Variants in PPP6R2 observed in about 807,000 individuals in gnomAD.
PPP6R2 encodes the protein protein phosphatase 6 regulatory subunit 2, also known as serine/threonine-protein phosphatase 6 regulatory subunit 2.
In PPP6R2, 62 loss-of-function variants were observed where a neutral mutation model predicts 100.2. The ratio of observed to expected loss-of-function variants is 0.62; its 90% confidence interval spans 0.50 to 0.76. The LOEUF is 0.76. Among genes scored for constraint, PPP6R2 ranks in the 30% least tolerant of loss-of-function variants. The pLI is 0.00. For synonymous variants in PPP6R2, 525 were observed against 514.7 expected (o/e 1.02, Z -0.27); for missense variants, 1,142 against 1,276.3 (o/e 0.89, Z 1.60).
At position 50,413,031 on chromosome 22, in the gene PPP6R2, G is replaced by T. The variant is rs187482614; in HGVS notation, c.415-1521G>T. On this transcript the variant is annotated intron_variant, in intron 4 of 23. Coordinates refer to ENST00000612753, the MANE Select transcript of PPP6R2 (RefSeq NM_001242898.2). ...GCTGGAGTGCAATGGTGCGATCTTG[G>T]CTTACCGCAATCTCCGCCTCCCAGG... 4.3e-3 allele frequency among the ~76,000 whole-genome samples: 641 copies of T among 149,678 alleles called. 8 individuals carry two copies. The highest frequency in any genetic ancestry group is 0.015 in the African/African-American group (596 of 40,606).
chr22:50,348,098 G>A (rs1004597637), intron 1 of PPP6R2, among the ~76,000 whole-genome samples: 1 of 152,144 alleles, frequency 6.6e-6, no homozygotes, highest in African/African-American at 2.4e-5. Flanking sequence ...ATATCCTCCA[G>A]GAACCTAGAT....
At chr22:50,397,894 A>G (rs1603194278) in intron 3 of PPP6R2, among the ~76,000 whole-genome samples, 1 of 89,482 alleles carries the variant, frequency 1.1e-5, no homozygotes, top group Non-Finnish European at 2.1e-5. Context: ...GTGACTTGGG[A>G]TGGGGGCGGG....
At chr22:50,339,882 T>G, upstream of PPP6R2, among the ~76,000 whole-genome samples, 3 of 97,104 alleles carry the variant, frequency 3.1e-5, no homozygotes, top group African/African-American at 8.0e-5. Context: ...TGGTGTGGTG[T>G]GTGTGTGGGG....
rs569995471 is a variant in PPP6R2, at chr22:50,440,961, C to T, written c.2514C>T (p.Ser838=). The part of the protein sequence containing the change: ...QKAASAMDAV[S]RGPGREAPPL... ...CAGCGAGTGCCATGGATGCGGTGAG[C>T]AGGGGTCCCGGCCGGGAGGCCCCCC... The change falls in exon 22 of 24, where the codon AGC becomes AGT. Residue 838 remains serine, a synonymous_variant. Transcript: ENST00000612753. 3.1e-6 allele frequency: 5 copies of T among 1,612,754 alleles called. No individual in the cohort carries two copies. The highest frequency in any genetic ancestry group is 1.7e-4 in the Middle Eastern group (1 of 6,004).
At position 50,444,430 on chromosome 22, in the gene PPP6R2, G is replaced by GC; in HGVS notation, c.*185dup. ...GCTTGCGTCTCTTCTGCCTGAGTGGGCCTCTCAGGTCACTCGTGCCCTGCT... is the reference window on the plus strand; with the variant it reads ...GCTTGCGTCTCTTCTGCCTGAGTGGGCCCTCTCAGGTCACTCGTGCCCTGCT... On this transcript the variant is annotated 3_prime_UTR_variant, in exon 24 of 24. Transcript: ENST00000612753. 1 of 758,354 alleles carries GC rather than the reference G, an allele frequency of 1.3e-6. No individual in the cohort carries two copies. Among genetic ancestry groups the GC allele is most frequent in the Non-Finnish European group, 2.1e-6 (1 of 483,930 alleles). 47.0% of individuals were successfully genotyped at this position (758,354 alleles called of 1,614,324 possible). A position where few individuals can be genotyped will look rare whatever the true frequency, so the allele number is the denominator to read the frequency against.
At chr22:50,333,367 C>G in the PPP6R2 span, among the ~76,000 whole-genome samples, 1 of 149,028 alleles carries the variant, frequency 6.7e-6, no homozygotes, top group Admixed American at 6.7e-5. Flanking sequence ...GACGGAGTCT[C>G]GCTCTGTCGC....
At chr22:50,340,568 T>A (rs1601854464), upstream of PPP6R2, among the ~76,000 whole-genome samples, 1 of 140,506 alleles carries the variant, frequency 7.1e-6, no homozygotes, top group East Asian at 2.0e-4. Flanking sequence ...GTATGTAGTG[T>A]GTGTGGTATG....
At chr22:50,396,288 A>C (rs977727334) in intron 3 of PPP6R2, among the ~76,000 whole-genome samples, 3 of 151,072 alleles carry the variant, frequency 2.0e-5, no homozygotes, top group Non-Finnish European at 2.9e-5. Flanking sequence ...CGAGGTCAGG[A>C]GTTCGAGACC....
chr22:50,339,332 GT>G (rs2042342102), upstream of PPP6R2, among the ~76,000 whole-genome samples: 1 of 147,108 alleles, frequency 6.8e-6, no homozygotes, highest in African/African-American at 2.5e-5. Flanking sequence ...TGTGTGTGGT[GT>G]GTGTGGTATG....
chr22:50,368,708 G>A (rs1046589469), intron 1 of PPP6R2, among the ~76,000 whole-genome samples: 1 of 152,032 alleles, frequency 6.6e-6, no homozygotes, highest in Non-Finnish European at 1.5e-5. Flanking sequence ...CACCCAGGCT[G>A]GAGTGCAGTG....
At chr22:50,364,829 T>C (rs1427354768) in intron 1 of PPP6R2, among the ~76,000 whole-genome samples, 1 of 152,022 alleles carries the variant, frequency 6.6e-6, no homozygotes, top group East Asian at 1.9e-4. Context: ...CAAAGTTGTA[T>C]TGTGTGCGGG....
Position 50,437,592 on chromosome 22 carries a change from C to A in PPP6R2, c.1770C>A (p.Asp590Glu). The stretch of plus-strand genomic sequence containing the variant: ...ATGATGAGGAGTTTGCCGACCAGGA[C>A]GACAACATCAAGTGAGTCTACTTGG... ...GFNDEEFADQ[D>E]DNINAPFDRI... The change falls in exon 16 of 24, where the codon GAC (aspartate) becomes GAA (glutamate). Residue 590 changes from aspartate (D) to glutamate (E), a missense_variant. This residue lies in a region of PPP6R2 where 550 missense variants were observed against 517.4 expected (regional missense o/e 1.06). Transcript: ENST00000612753. 6.2e-7 allele frequency: 1 copy of A among 1,609,302 alleles called. No homozygotes were observed. The highest frequency in any genetic ancestry group is 8.5e-7 in the Non-Finnish European group (1 of 1,175,954).
In PPP6R2 at chr22:50,438,242, G is replaced by A; in HGVS notation, c.1908G>A (p.Glu636=). Residue 636 remains glutamate, a synonymous_variant, in exon 18 of 24, where the codon GAG becomes GAA. Coordinates refer to ENST00000612753, the MANE Select transcript of PPP6R2 (RefSeq NM_001242898.2). The part of the protein sequence containing the change: ...RIQPFDDDED[E]DIWEDSDTRC... The stretch of plus-strand genomic sequence containing the variant: ...AGCCCTTTGATGATGATGAGGACGA[G>A]GACATCTGGGAGGACAGTGACACTC... The A allele has an allele frequency of 6.2e-7, 1 of 1,613,936 alleles. No homozygotes were observed. Among genetic ancestry groups the A allele is most frequent in the Non-Finnish European group, 8.5e-7 (1 of 1,179,980 alleles).
At chr22:50,340,603 G>A (rs1338126550), upstream of PPP6R2, among the ~76,000 whole-genome samples, 1 of 150,998 alleles carries the variant, frequency 6.6e-6, no homozygotes. Flanking sequence ...TGTGTGTGGT[G>A]TGTGGTGTGT....
intron 22 of PPP6R2, chr22:50,443,584 G>A (rs551758802): frequency 8.5e-5 from 43 of 505,846 alleles, no homozygotes; most frequent in African/African-American, 7.8e-4. Flanking sequence ...TGGGGTCCTT[G>A]AAGAATGAGG....
At chr22:50,381,082 C>T (rs1170997738) in intron 2 of PPP6R2, among the ~76,000 whole-genome samples, 2 of 149,586 alleles carry the variant, frequency 1.3e-5, no homozygotes, top group African/African-American at 2.5e-5. Context: ...CCATTGCACT[C>T]CAGCCTGGGT....
At chr22:50,378,846 C>G (rs1430241612) in intron 2 of PPP6R2, among the ~76,000 whole-genome samples, 3 of 150,344 alleles carry the variant, frequency 2.0e-5, no homozygotes, top group Non-Finnish European at 2.9e-5. Context: ...CACTGCTGCA[C>G]TCCTGCCTGA....
intron 1 of PPP6R2, among the ~76,000 whole-genome samples, chr22:50,371,137 TACAAA>T (rs1337469854): frequency 6.6e-6 from 1 of 152,208 alleles, no homozygotes; most frequent in African/African-American, 2.4e-5. Context: ...CCACCCATCC[TACAAA>T]TTATTAAATA....
chr22:50,410,973 G>T, intron 4 of PPP6R2, among the ~76,000 whole-genome samples: 1 of 152,054 alleles, frequency 6.6e-6, no homozygotes, highest in East Asian at 1.9e-4. Flanking sequence ...TGTATTTTTA[G>T]TAGAGATGGG....
Sources: gnomAD v4.1 joint callset for allele counts (sites outside exome capture counted in the v4.1 genomes callset) on GRCh38, gnomAD v4.1.1 for gene constraint, gnomAD v4.1.1 regional missense constraint, MANE v1.5 for transcripts, NCBI Gene and HGNC (gene_info 2026-07-23, HGNC 2026-07-21) for gene names.